The following TTC23L variants were observed in gnomAD, a reference collection of about 807,000 sequenced individuals.
TTC23L encodes the protein tetratricopeptide repeat protein 23-like.
A neutral mutation model predicts 48.1 loss-of-function variants in TTC23L; 42 were observed. That is an observed-to-expected ratio of 0.87 (90% CI 0.68 to 1.13). TTC23L has a LOEUF of 1.13. TTC23L is among the 50% of genes most tolerant of loss of function. The pLI, the probability that TTC23L is intolerant of heterozygous loss-of-function variation, is 0.00. For synonymous variants in TTC23L, 159 were observed against 157.2 expected (o/e 1.01, Z -0.09); for missense variants, 391 against 421.0 (o/e 0.93, Z 0.62).
the TTC23L span, chr5:34,911,407 T>C: frequency 1.0e-6 from 1 of 984,794 alleles, no homozygotes; most frequent in Non-Finnish European, 1.5e-6. Flanking sequence ...TCTTGATCCA[T>C]AAAATTATGA....
intron 8 of TTC23L, among the ~76,000 whole-genome samples, chr5:34,870,452 T>C (rs1390814292): frequency 6.6e-6 from 1 of 152,222 alleles, no homozygotes; most frequent in African/African-American, 2.4e-5. Flanking sequence ...TATTTCTTTT[T>C]AATAAATTTG....
rs1225101845 is a variant in TTC23L at position 34,868,959 on chromosome 5, A to T, written c.895A>T (p.Met299Leu). The stretch of plus-strand genomic sequence containing the variant: ...TGAAGTCAGCCCCAAAACTGCAGAA[A>T]TGAGTGCGTTACTGGCCAAAGCTTA... The change falls in exon 8 of 11, where the codon ATG becomes TTG. Residue 299 changes from methionine (M) to leucine (L), a missense_variant. Transcript: ENST00000505624. The T allele has an allele frequency of 6.2e-7, 1 of 1,611,832 alleles. No homozygotes were observed. Among genetic ancestry groups the T allele is most frequent in the Admixed American group, 1.7e-5 (1 of 59,726 alleles).
chr5:34,858,794 G>C (rs1044604419), intron 4 of TTC23L, among the ~76,000 whole-genome samples: 3 of 152,186 alleles, frequency 2.0e-5, no homozygotes, highest in Non-Finnish European at 4.4e-5. Context: ...CTGGGAAGGT[G>C]AAAGAAGTTT....
At chr5:34,873,398 A>G (rs1030183212) in intron 8 of TTC23L, among the ~76,000 whole-genome samples, 3 of 152,208 alleles carry the variant, frequency 2.0e-5, no homozygotes, top group African/African-American at 7.2e-5. Context: ...TGGAGCTTTG[A>G]GTAAAGAGAA....
chr5:34,919,500 T>C, the TTC23L span, among the ~76,000 whole-genome samples: 8 of 152,178 alleles, frequency 5.3e-5, no homozygotes, highest in South Asian at 1.7e-3. Flanking sequence ...GTGAAAGATA[T>C]TTTCATTGAA....
At chr5:34,909,396 A>G in the TTC23L span, 1 of 1,382,868 alleles carries the variant, frequency 7.2e-7, no homozygotes, top group Non-Finnish European at 1.0e-6. Flanking sequence ...TTCATCCAAA[A>G]ATAAACCACA....
chr5:34,901,844 A>T (rs188418444), downstream of TTC23L, among the ~76,000 whole-genome samples: 1 of 152,338 alleles, frequency 6.6e-6, no homozygotes, highest in East Asian at 1.9e-4. Flanking sequence ...ATTATAAAGC[A>T]GACTTCCTGG....
intron 3 of TTC23L, among the ~76,000 whole-genome samples, chr5:34,846,424 G>T (rs1166393415): frequency 6.6e-6 from 1 of 150,840 alleles, no homozygotes; most frequent in African/African-American, 2.4e-5. Flanking sequence ...GCCAGGCGTG[G>T]TGGCGCATGC....
At chr5:34,911,266 T>G in the TTC23L span, among the ~76,000 whole-genome samples, 1 of 152,298 alleles carries the variant, frequency 6.6e-6, no homozygotes, top group South Asian at 2.1e-4. Flanking sequence ...TGATGTAACC[T>G]GATCTATGAA....
chr5:34,846,406 A>C (rs554278088), intron 3 of TTC23L, among the ~76,000 whole-genome samples: 253 of 150,820 alleles, frequency 1.7e-3, no homozygotes, highest in African/African-American at 5.8e-3. Flanking sequence ...CTAAAAATAC[A>C]AAAATTAGCC....
chr5:34,887,746 A>G (rs959631390), intron 9 of TTC23L, among the ~76,000 whole-genome samples: 10 of 152,218 alleles, frequency 6.6e-5, no homozygotes, highest in Non-Finnish European at 2.9e-5. Context: ...TATGCAGGAC[A>G]AAGTAGAGAT....
the TTC23L span, chr5:34,914,638 CATTAA>C: frequency 6.4e-7 from 1 of 1,560,456 alleles, no homozygotes; most frequent in East Asian, 2.2e-5. Context: ...CTTCCGATTT[CATTAA>C]ATTACATTTA....
intron 10 of TTC23L, among the ~76,000 whole-genome samples, chr5:34,899,145 C>T (rs1321217557): frequency 6.6e-6 from 1 of 152,160 alleles, no homozygotes; most frequent in African/African-American, 2.4e-5. Flanking sequence ...AAGGGAAGAG[C>T]TCCCTGCTGT....
At chr5:34,864,458 C>T (rs1373146492) in exon 6 of TTC23L, 1 of 1,613,452 alleles carries the variant, frequency 6.2e-7, no homozygotes, top group African/African-American at 1.3e-5. Context: ...CCTATTTCAA[C>T]CTGCAGAAGG....
rs149054429 is a variant in TTC23L at position 34,848,881 on chromosome 5, C to T, written c.256-1304C>T. 2.7e-3 allele frequency among the ~76,000 whole-genome samples: 409 copies of T among 152,212 alleles called. 2 individuals carry two copies. Among genetic ancestry groups the T allele is most frequent in the African/African-American group, 9.5e-3 (396 of 41,534 alleles). On this transcript the variant is annotated intron_variant, in intron 3 of 10. Coordinates refer to ENST00000505624, the Ensembl canonical transcript of TTC23L. The stretch of plus-strand genomic sequence containing the variant: ...TTTGAATTATATTAAGAAGAAAAAG[C>T]GGGAAGCTGTTGGAGGATTTTGAAC...
chr5:34,844,464 T>G (rs1444787582), intron 2 of TTC23L, among the ~76,000 whole-genome samples: 4 of 109,438 alleles, frequency 3.7e-5, no homozygotes, highest in South Asian at 2.9e-4. Context: ...AAAAAAAAGG[T>G]TACACTTGGC....
intron 8 of TTC23L, chr5:34,869,254 C>G (rs919599760): frequency 4.7e-6 from 2 of 421,528 alleles, no homozygotes; most frequent in African/African-American, 4.1e-5. Context: ...TATTTTGAAT[C>G]TCAGTGAGAT....
chr5:34,914,175 C>A, the TTC23L span: 6 of 310,560 alleles, frequency 1.9e-5, no homozygotes, highest in South Asian at 2.7e-5. Context: ...TCTATTACAA[C>A]CAGTAAAGGA....
intron 10 of TTC23L, among the ~76,000 whole-genome samples, chr5:34,897,870 G>A (rs891991289): frequency 2.6e-5 from 4 of 152,154 alleles, no homozygotes; most frequent in Non-Finnish European, 5.9e-5. Context: ...TATGAACTAT[G>A]ATTATCTCAT....
Sources: gnomAD v4.1 joint callset for allele counts (sites outside exome capture counted in the v4.1 genomes callset) on GRCh38, gnomAD v4.1.1 for gene constraint, MANE v1.5 for transcripts, NCBI Gene and HGNC (gene_info 2026-07-23, HGNC 2026-07-21) for gene names.